The following LINGO2 variants were observed in gnomAD, a reference collection of about 807,000 sequenced individuals.
The protein encoded by LINGO2 is leucine rich repeat and Ig domain containing 2, also known as leucine-rich repeat and immunoglobulin-like domain-containing nogo receptor-interacting protein 2.
LINGO2 carries 14 observed loss-of-function variants against 30.6 expected under a neutral mutation model. That is an observed-to-expected ratio of 0.46 (90% CI 0.30 to 0.72). The LOEUF (loss-of-function observed/expected upper bound fraction) is 0.72, where lower values mean the gene tolerates loss of function less well. Among genes scored for constraint, LINGO2 ranks in the 30% least tolerant of loss-of-function variants. The pLI is 0.07. For synonymous variants in LINGO2, 317 were observed against 288.5 expected, an observed-to-expected ratio of 1.10 and a Z score of -1.00; for missense variants, 729 against 751.7, an observed-to-expected ratio of 0.97 and a Z score of 0.35.
chr9:28,591,049 A>G (rs1824877185), intron 1 of LINGO2, among the ~76,000 whole-genome samples: 1 of 151,934 alleles, frequency 6.6e-6, no homozygotes, highest in Admixed American at 6.6e-5. Flanking sequence ...TCAGCAAACT[A>G]TTGCAAGGAC....
intron 4 of LINGO2, among the ~76,000 whole-genome samples, chr9:28,029,323 C>G (rs947615161): frequency 2.6e-5 from 4 of 152,140 alleles, no homozygotes; most frequent in African/African-American, 9.7e-5. Flanking sequence ...TTTTAACAAG[C>G]ATCCCACTGT....
At chr9:27,945,799 AG>A (rs1823342901), downstream of LINGO2, among the ~76,000 whole-genome samples, 1 of 152,156 alleles carries the variant, frequency 6.6e-6, no homozygotes, top group African/African-American at 2.4e-5. Context: ...ACGCACAAAA[AG>A]AACCCAAGAT....
intron 1 of LINGO2, among the ~76,000 whole-genome samples, chr9:28,621,402 T>C (rs1473293408): frequency 6.6e-6 from 1 of 151,820 alleles, no homozygotes; most frequent in African/African-American, 2.4e-5. Flanking sequence ...TCCTACCCCT[T>C]TGCAACAGCT....
At chr9:29,043,001 T>C in the LINGO2 span, among the ~76,000 whole-genome samples, 4 of 151,846 alleles carry the variant, frequency 2.6e-5, no homozygotes, top group Admixed American at 6.6e-5. Flanking sequence ...GAGATATATA[T>C]ATATTCTGTA....
the LINGO2 span, among the ~76,000 whole-genome samples, chr9:28,841,478 T>G: frequency 6.6e-6 from 1 of 151,820 alleles, no homozygotes; most frequent in Non-Finnish European, 1.5e-5. Flanking sequence ...TTTAAGGCAT[T>G]ATCCTAGGCA....
chr9:28,047,659 G>A (rs957489354), intron 4 of LINGO2, among the ~76,000 whole-genome samples: 1 of 150,834 alleles, frequency 6.6e-6, no homozygotes, highest in African/African-American at 2.5e-5. Context: ...TAGCTACCTT[G>A]TGGGAGGTCT....
chr9:28,781,157 G>C, the LINGO2 span, among the ~76,000 whole-genome samples: 1 of 152,128 alleles, frequency 6.6e-6, no homozygotes, highest in Non-Finnish European at 1.5e-5. Flanking sequence ...GTAATAGGCA[G>C]AGTTAGAAAC....
At chr9:28,258,775 T>G (rs879917640) in intron 4 of LINGO2, among the ~76,000 whole-genome samples, 3 of 151,920 alleles carry the variant, frequency 2.0e-5, no homozygotes, top group Non-Finnish European at 4.4e-5. Flanking sequence ...CTGTGAGTTC[T>G]ATGGCTTGCC....
intron 4 of LINGO2, among the ~76,000 whole-genome samples, chr9:28,042,853 A>T (rs946186432): frequency 1.3e-5 from 2 of 152,200 alleles, no homozygotes; most frequent in African/African-American, 2.4e-5. Flanking sequence ...TCTGATTAAT[A>T]TCGAGAGTGA....
At chr9:28,026,523 T>C (rs1184351987) in intron 4 of LINGO2, among the ~76,000 whole-genome samples, 1 of 152,204 alleles carries the variant, frequency 6.6e-6, no homozygotes, top group Non-Finnish European at 1.5e-5. Context: ...AACCACATAA[T>C]AATGTAAAGT....
intron 2 of LINGO2, among the ~76,000 whole-genome samples, chr9:28,464,315 A>G (rs1335128019): frequency 1.3e-5 from 2 of 152,176 alleles, no homozygotes; most frequent in African/African-American, 4.8e-5. Context: ...AGGCTTTTCC[A>G]TGTTCAGTTT....
Position 28,349,172 on chromosome 9 carries a change from A to T in LINGO2, c.-246+23664T>A, listed in dbSNP as rs549305133. The stretch of plus-strand genomic sequence containing the variant: ...GAAAATGACTTTGACGAGCTGAGAG[A>T]AGAAGGCTTCAGACGATCAAATTAT... On this transcript the variant is annotated intron_variant, in intron 3 of 5. Transcript: ENST00000379992. Among the ~76,000 whole-genome samples, 173 of 152,364 alleles carry T rather than the reference A, an allele frequency of 1.1e-3. 1 individual carries two copies. Among genetic ancestry groups the T allele is most frequent in the Non-Finnish European group, 2.4e-3 (165 of 68,042 alleles).
the LINGO2 span, among the ~76,000 whole-genome samples, chr9:28,980,817 A>AT: frequency 0.25 from 38,569 of 151,624 alleles, 5,148 homozygotes; most frequent in East Asian, 0.34. Context: ...TTATTATTTT[A>AT]TTTTTTTATC....
Position 28,148,299 on chromosome 9 carries a change from C to G in LINGO2, c.-86-135894G>C. On this transcript the variant is annotated intron_variant, in intron 4 of 5. Transcript: ENST00000379992. The surrounding 1 kb of genome is among the most constrained non-coding windows in gnomAD (Gnocchi z 5.1). ...TGGAGCCCCGCCTCAAGGAAGAAACCCATGCTGTCTGCTCACAACTCCAGG... is the reference window on the plus strand; with the variant it reads ...TGGAGCCCCGCCTCAAGGAAGAAACGCATGCTGTCTGCTCACAACTCCAGG... 3.7e-6 allele frequency: 3 copies of G among 818,740 alleles called. No individual in the cohort carries two copies. Among genetic ancestry groups the G allele is most frequent in the Admixed American group, 2.0e-5 (1 of 49,088 alleles). The allele number at this position is 818,740 out of a possible 1,614,324, so 50.7% of individuals were successfully genotyped here.
At chr9:27,998,929 T>G (rs559617007) in intron 5 of LINGO2, among the ~76,000 whole-genome samples, 2 of 152,270 alleles carry the variant, frequency 1.3e-5, no homozygotes, top group South Asian at 4.1e-4. Context: ...AAAAATACTC[T>G]AAGTTCAGCC....
the LINGO2 span, among the ~76,000 whole-genome samples, chr9:29,167,690 A>G: frequency 6.8e-4 from 103 of 152,264 alleles, no homozygotes; most frequent in African/African-American, 2.3e-3. Flanking sequence ...TCTTCACTAC[A>G]TACTGTTGAG....
intron 1 of LINGO2, among the ~76,000 whole-genome samples, chr9:28,655,383 C>G (rs565398436): frequency 6.6e-6 from 1 of 151,880 alleles, no homozygotes; most frequent in Non-Finnish European, 1.5e-5. Flanking sequence ...TTGAATTTAC[C>G]GGCTCATAAG....
Position 28,030,256 on chromosome 9 carries a change from A to G in LINGO2, c.-86-17851T>C, listed in dbSNP as rs180936598. Among the ~76,000 whole-genome samples, 6 of 152,300 alleles carry G rather than the reference A, an allele frequency of 3.9e-5. No homozygotes were observed. The East Asian group carries it at 9.6e-4, about 24-fold the overall frequency. On this transcript the variant is annotated intron_variant, in intron 4 of 5. Coordinates refer to ENST00000379992, the Ensembl canonical transcript of LINGO2. ...TTGGAACATGAGAAAACACTTCTTA[A>G]GTGAGGCCATTTCTGAGATTCTGAG...
chr9:28,424,213 C>T (rs1232718125), intron 2 of LINGO2, among the ~76,000 whole-genome samples: 1 of 152,096 alleles, frequency 6.6e-6, no homozygotes, highest in African/African-American at 2.4e-5. Context: ...CTTTCCCAAC[C>T]ATTGAAACTA....
Sources: allele counts gnomAD v4.1 joint callset (sites outside exome capture counted in the v4.1 genomes callset), GRCh38; gene constraint gnomAD v4.1.1; non-coding constraint Gnocchi (gnomAD v3.1); transcripts MANE v1.5; gene names NCBI Gene and HGNC (gene_info 2026-07-23, HGNC 2026-07-21).